PACSIN1: variants seen among roughly 807,000 people sequenced by gnomAD.
PACSIN1 encodes protein kinase C and casein kinase substrate in neurons protein 1.
A neutral mutation model predicts 59.5 loss-of-function variants in PACSIN1; 15 were observed. The observed-to-expected ratio is 0.25, with a 90% CI of 0.17 to 0.39. PACSIN1 has a LOEUF of 0.39. PACSIN1 is among the 10% of genes least tolerant of loss of function. The pLI is 1.00. For synonymous variants in PACSIN1, 210 were observed against 220.6 expected (o/e 0.95, Z 0.42); for missense variants, 420 against 580.2 (o/e 0.72, Z 2.84).
At chr6:34,474,841 G>T (rs2127239695) in intron 1 of PACSIN1, among the ~76,000 whole-genome samples, 2 of 146,702 alleles carry the variant, frequency 1.4e-5, no homozygotes, top group South Asian at 2.2e-4. Flanking sequence ...GACCCCATGT[G>T]ATCCGGCTGC....
At chr6:34,493,291 A>G (rs1340957124) in intron 1 of PACSIN1, among the ~76,000 whole-genome samples, 1 of 152,194 alleles carries the variant, frequency 6.6e-6, no homozygotes, top group Non-Finnish European at 1.5e-5. Flanking sequence ...AACATTGTAC[A>G]CAGTATATCT....
chr6:34,482,830 C>A (rs930414632), intron 1 of PACSIN1, among the ~76,000 whole-genome samples: 1 of 150,750 alleles, frequency 6.6e-6, no homozygotes, highest in African/African-American at 2.4e-5. Context: ...ATTACAGGCG[C>A]CTGCCGCCAC....
chr6:34,506,303 G>T (rs768299297), intron 1 of PACSIN1, among the ~76,000 whole-genome samples: 2 of 152,024 alleles, frequency 1.3e-5, no homozygotes, highest in African/African-American at 4.8e-5. Context: ...TTGCTGCCTC[G>T]ACCTACTGGG....
chr6:34,516,673 C>G lies in PACSIN1; in HGVS notation c.-63-9570C>G, dbSNP rs1767298154. 1.3e-5 allele frequency among the ~76,000 whole-genome samples: 2 copies of G among 152,188 alleles called. No homozygotes were observed. Among genetic ancestry groups the G allele is most frequent in the Non-Finnish European group, 2.9e-5 (2 of 68,018 alleles). The stretch of plus-strand genomic sequence containing the variant: ...CTCCAGGCCTGGCCCCGACCTCCAG[C>G]CCCTGGCCTGCCTCCTCTAGGCCCG... On this transcript the variant is annotated intron_variant, in intron 1 of 9. Coordinates refer to ENST00000244458, the MANE Select transcript of PACSIN1 (RefSeq NM_020804.5). This position sits in a 1 kb window ranked among gnomAD's most constrained non-coding sequence, Gnocchi z 5.4.
rs1387746355 is a variant in PACSIN1 at position 34,531,279 on chromosome 6, G to C, written c.1038-321G>C. Among the ~76,000 whole-genome samples, 1 of 152,192 alleles carries C rather than the reference G, an allele frequency of 6.6e-6. No homozygotes were observed. The highest frequency in any genetic ancestry group is 1.5e-5 in the Non-Finnish European group (1 of 68,034). On this transcript the variant is annotated intron_variant, in intron 8 of 9. Transcript: ENST00000244458. The surrounding 1 kb of genome is among the most constrained non-coding windows in gnomAD (Gnocchi z 4.4). ...ACATTGCTAGTTAGTAAACCTCAGA[G>C]CCAGATATGTTGCCCAGGAGGTCTG...
intron 1 of PACSIN1, among the ~76,000 whole-genome samples, chr6:34,483,001 C>CTTT (rs34111587): frequency 4.6e-4 from 51 of 112,002 alleles, no homozygotes; most frequent in African/African-American, 1.6e-3. Flanking sequence ...CCATGTTTAA[C>CTTT]TTTTTTTTTT....
rs1177310063 is a variant in PACSIN1 at position 34,531,596 on chromosome 6, TCA to T, written c.1038-3_1038-2del. 1 of 1,613,296 alleles carries T rather than the reference TCA, an allele frequency of 6.2e-7. No homozygotes were observed. The highest frequency in any genetic ancestry group is 1.7e-5 in the Admixed American group (1 of 59,948). On this transcript the variant is annotated splice_acceptor_variant and splice_polypyrimidine_tract_variant and intron_variant, in intron 8 of 9. Coordinates refer to ENST00000244458, the MANE Select transcript of PACSIN1 (RefSeq NM_020804.5). LOFTEE classifies it high-confidence loss of function. This position sits in a 1 kb window ranked among gnomAD's most constrained non-coding sequence, Gnocchi z 4.4. ...TGAAGCTGGCTCCTTCCTCCGCGTC[TCA>T]GTGTTAGCAGCTACGACAGAGGCCA...
At chr6:34,490,853 G>C (rs1238251774) in intron 1 of PACSIN1, among the ~76,000 whole-genome samples, 1 of 152,126 alleles carries the variant, frequency 6.6e-6, no homozygotes, top group Admixed American at 6.6e-5. Context: ...TCTACTGTGG[G>C]CTTTCGTTTT....
intron 1 of PACSIN1, among the ~76,000 whole-genome samples, chr6:34,480,919 T>C (rs1766709398): frequency 6.6e-6 from 1 of 152,104 alleles, no homozygotes; most frequent in Non-Finnish European, 1.5e-5. Flanking sequence ...TTTTCTTTTT[T>C]TTTTTTTAGA....
rs971707650 is a variant in PACSIN1, at chr6:34,532,587, ACT to A, written c.*61_*62del. ...TCCCCACTGCCGCCCCTCCCCTCCC[ACT>A]CTCGTCTCCTTCCCCTCGCCATAGA... On this transcript the variant is annotated 3_prime_UTR_variant, in exon 10 of 10. Transcript: ENST00000244458. The surrounding 1 kb of genome is among the most constrained non-coding windows in gnomAD (Gnocchi z 5.2). 2.2e-6 allele frequency: 2 copies of A among 893,148 alleles called. No individual in the cohort carries two copies. Among genetic ancestry groups the A allele is most frequent in the Admixed American group, 2.5e-5 (1 of 39,526 alleles). The allele number at this position is 893,148 out of a possible 1,614,324, so 55.3% of individuals were successfully genotyped here. A position where few individuals can be genotyped will look rare whatever the true frequency, so the allele number is the denominator to read the frequency against.
chr6:34,470,877 A>G (rs1437231689), intron 1 of PACSIN1, among the ~76,000 whole-genome samples: 3 of 152,178 alleles, frequency 2.0e-5, no homozygotes, highest in South Asian at 2.1e-4. Context: ...ACATATTTTT[A>G]ATAAAAAACT....
chr6:34,517,079 A>G (rs919261023), intron 1 of PACSIN1, among the ~76,000 whole-genome samples: 4 of 151,848 alleles, frequency 2.6e-5, no homozygotes, highest in Admixed American at 1.3e-4. Context: ...CATCCCCCCA[A>G]CGCCGTTCCT....
At chr6:34,510,799 G>A (rs1767190489) in intron 1 of PACSIN1, among the ~76,000 whole-genome samples, 1 of 152,144 alleles carries the variant, frequency 6.6e-6, no homozygotes, top group African/African-American at 2.4e-5. Context: ...TGCAACCTCC[G>A]CCTCCTGGGT....
At position 34,516,410 on chromosome 6, in the gene PACSIN1, A is replaced by C. The variant is rs1230032929; in HGVS notation, c.-63-9833A>C. On this transcript the variant is annotated intron_variant, in intron 1 of 9. Transcript: ENST00000244458. The surrounding 1 kb of genome is among the most constrained non-coding windows in gnomAD (Gnocchi z 5.4). ...CTCGGGGATGGCAGAAACGGGATGC[A>C]GATTCGCCTGTGCGCACTGACACTG... is the stretch of plus-strand genomic sequence containing the variant. 6.6e-6 allele frequency among the ~76,000 whole-genome samples: 1 copy of C among 152,186 alleles called. No homozygotes were observed. The highest frequency in any genetic ancestry group is 1.5e-5 in the Non-Finnish European group (1 of 68,008).
chr6:34,500,442 CT>C (rs1348428664), intron 1 of PACSIN1, among the ~76,000 whole-genome samples: 1 of 152,188 alleles, frequency 6.6e-6, no homozygotes, highest in East Asian at 1.9e-4. Flanking sequence ...TGAAAGGAAT[CT>C]TTTTTTCTGA....
rs764380445 is a variant in PACSIN1, at chr6:34,526,337, C to T, written c.32C>T (p.Ala11Val). 1.7e-5 allele frequency: 28 copies of T among 1,612,050 alleles called. No individual in the cohort carries two copies. The highest frequency in any genetic ancestry group is 2.1e-5 in the Non-Finnish European group (25 of 1,179,836). Residue 11 changes from alanine to valine, a missense_variant, in exon 2 of 10, where the codon GCG becomes GTG. Coordinates refer to ENST00000244458, the MANE Select transcript of PACSIN1 (RefSeq NM_020804.5). MSSSYDEASL[A>V]PEETTDSFWE... is the part of the protein sequence containing the mutation. ...AGCTCCTACGATGAGGCCTCACTGG[C>T]GCCAGAGGAGACCACCGACAGCTTC...
chr6:34,481,668 T>TAAA (rs201102634), intron 1 of PACSIN1, among the ~76,000 whole-genome samples: 1 of 135,346 alleles, frequency 7.4e-6, no homozygotes, highest in East Asian at 2.1e-4. Flanking sequence ...AGACTCCATC[T>TAAA]AAAAAAAAAA....
At chr6:34,505,881 C>T (rs1481415515) in intron 1 of PACSIN1, among the ~76,000 whole-genome samples, 1 of 151,866 alleles carries the variant, frequency 6.6e-6, no homozygotes, top group African/African-American at 2.4e-5. Context: ...ATCTGCCTGT[C>T]TTGGACTTCC....
Position 34,529,525 on chromosome 6 carries a change from G to A in PACSIN1, c.585G>A (p.Val195=). 6.2e-7 allele frequency: 1 copy of A among 1,614,156 alleles called. No individual in the cohort carries two copies. Residue 195 remains valine (V), a synonymous_variant, in exon 5 of 10, where the codon GTG becomes GTA. Transcript: ENST00000244458. The surrounding 1 kb of genome is among the most constrained non-coding windows in gnomAD (Gnocchi z 6.3). Reference sequence around the variant, plus strand: ...AGCAAAAGAAGCTGCAGGACAAAGTGGACAAGTGCAAGCAGGATGTGCAGA... The same window carrying A: ...AGCAAAAGAAGCTGCAGGACAAAGTAGACAAGTGCAAGCAGGATGTGCAGA... The part of the protein sequence containing the change: ...PEQQKKLQDK[V]DKCKQDVQKT...
Sources: allele counts gnomAD v4.1 joint callset (sites outside exome capture counted in the v4.1 genomes callset), GRCh38; gene constraint gnomAD v4.1.1; non-coding constraint Gnocchi (gnomAD v3.1); transcripts MANE v1.5; gene names NCBI Gene and HGNC (gene_info 2026-07-23, HGNC 2026-07-21).